TSPAN9: variants seen among roughly 807,000 people sequenced by gnomAD.
TSPAN9 encodes tetraspanin 9.
A neutral mutation model predicts 31.0 loss-of-function variants in TSPAN9; 16 were observed. The observed-to-expected ratio is 0.52, with a 90% CI of 0.35 to 0.78. The LOEUF is 0.78. Ranked by LOEUF, TSPAN9 falls within the 30% of genes least tolerant of loss-of-function variation. TSPAN9 has a pLI of 0.01. For synonymous variants in TSPAN9, 145 were observed against 121.6 expected, an observed-to-expected ratio of 1.19 and a Z score of -1.27; for missense variants, 272 against 312.5, an observed-to-expected ratio of 0.87 and a Z score of 0.98.
rs529716964 is a variant in TSPAN9 at position 3,121,465 on chromosome 12, TC to T, written c.-18+37748del. On this transcript the variant is annotated intron_variant, in intron 2 of 8. Coordinates refer to ENST00000011898, the MANE Select transcript of TSPAN9 (RefSeq NM_006675.5). ...GCCTCGACCTCCCAAACTCAAGTGA[TC>T]CTCCCACCTCAGCCTCCTGAGTAGC... Among the ~76,000 whole-genome samples the T allele has an allele frequency of 3.0e-4, 43 of 142,550 alleles. No individual in the cohort carries two copies. The East Asian group carries it at 9.1e-3, about 30-fold the overall frequency. 93.5% of individuals were successfully genotyped at this position (142,550 alleles called of 152,430 possible). A position where few individuals can be genotyped will look rare whatever the true frequency, so the allele number is the denominator to read the frequency against.
intron 3 of TSPAN9, among the ~76,000 whole-genome samples, chr12:3,260,522 C>G (rs1221166003): frequency 1.3e-5 from 2 of 152,358 alleles, no homozygotes; most frequent in South Asian, 4.1e-4. Context: ...CTGCTGGGAG[C>G]TGGCCTTCTG....
intron 3 of TSPAN9, among the ~76,000 whole-genome samples, chr12:3,277,948 C>A (rs1462105443): frequency 6.6e-6 from 1 of 152,194 alleles, no homozygotes; most frequent in Non-Finnish European, 1.5e-5. Flanking sequence ...AGTTCTGGCT[C>A]CAAGAAACCC....
chr12:3,206,184 C>T (rs1206249429), intron 3 of TSPAN9: 4 of 405,608 alleles, frequency 9.9e-6, no homozygotes, highest in African/African-American at 2.0e-5. Context: ...GACTCTGTGG[C>T]CAGAGGCCTC....
chr12:3,110,104 C>T (rs35923805), intron 2 of TSPAN9, among the ~76,000 whole-genome samples: 27,132 of 146,100 alleles, frequency 0.19, 2,473 homozygotes, highest in African/African-American at 0.23. Flanking sequence ...GTCCCTCCTC[C>T]ACCTCAGCAC....
chr12:3,220,796 G>A (rs2098384082), intron 3 of TSPAN9, among the ~76,000 whole-genome samples: 1 of 139,176 alleles, frequency 7.2e-6, no homozygotes, highest in Admixed American at 7.1e-5. Context: ...CTCTCGGTGG[G>A]AAGGCGGGCC....
chr12:3,126,388 A>G (rs976082633), intron 2 of TSPAN9, among the ~76,000 whole-genome samples: 2 of 152,162 alleles, frequency 1.3e-5, no homozygotes, highest in African/African-American at 2.4e-5. Context: ...TAGGCTACAA[A>G]CTTGTACAGC....
intron 3 of TSPAN9, among the ~76,000 whole-genome samples, chr12:3,225,076 C>T (rs1284026157): frequency 6.6e-6 from 1 of 152,238 alleles, no homozygotes; most frequent in African/African-American, 2.4e-5. Context: ...CTGCCATTCT[C>T]TTTGACAGTG....
At chr12:3,093,813 G>T (rs1294754487) in intron 2 of TSPAN9, among the ~76,000 whole-genome samples, 1 of 152,076 alleles carries the variant, frequency 6.6e-6, no homozygotes, top group Non-Finnish European at 1.5e-5. Context: ...GAGGCTCTTT[G>T]GTTTTCAGGA....
At chr12:3,265,526 C>T (rs1281799376) in intron 3 of TSPAN9, among the ~76,000 whole-genome samples, 2 of 152,216 alleles carry the variant, frequency 1.3e-5, no homozygotes, top group African/African-American at 2.4e-5. Context: ...TCCTTGCTTC[C>T]TCTTGGAGAG....
chr12:3,105,894 A>T (rs1426852330), intron 2 of TSPAN9, among the ~76,000 whole-genome samples: 2 of 151,278 alleles, frequency 1.3e-5, no homozygotes, highest in African/African-American at 4.9e-5. Flanking sequence ...ACACATGGTC[A>T]CGGGCACTCA....
chr12:3,136,483 A>G (rs1435207783), intron 2 of TSPAN9, among the ~76,000 whole-genome samples: 1 of 152,160 alleles, frequency 6.6e-6, no homozygotes, highest in East Asian at 1.9e-4. Flanking sequence ...AGATGAGGAA[A>G]TTGAGGCTCA....
chr12:3,173,110 T>C (rs2098352986), intron 2 of TSPAN9: 1 of 152,526 alleles, frequency 6.6e-6, no homozygotes, highest in Non-Finnish European at 1.5e-5. Context: ...GCAAAGTGGC[T>C]GTGCCCACTG....
rs1199359318 is a variant in TSPAN9, at chr12:3,280,639, T to C, written c.432+156T>C. Among the ~76,000 whole-genome samples, 1 of 152,196 alleles carries C rather than the reference T, an allele frequency of 6.6e-6. No homozygotes were observed. On this transcript the variant is annotated intron_variant, in intron 6 of 8. Coordinates refer to ENST00000011898, the MANE Select transcript of TSPAN9 (RefSeq NM_006675.5). The surrounding 1 kb of genome is among the most constrained non-coding windows in gnomAD (Gnocchi z 4.5). ...CCACGGGGGCATTTGCCTGAACTGC[T>C]GAGTCAGATGTGATACAGCAAGGTA...
rs1159224090 is a variant in TSPAN9 at position 3,285,588 on chromosome 12, G to A, written c.*2472G>A. On this transcript the variant is annotated 3_prime_UTR_variant, in exon 9 of 9. Transcript: ENST00000011898. Reference sequence around the variant, plus strand: ...GTGTGCACAGAGTGGGTGTTCCTTCGAGCCCCTTCCACTCAGAGGGCCACA... The same window carrying A: ...GTGTGCACAGAGTGGGTGTTCCTTCAAGCCCCTTCCACTCAGAGGGCCACA... The A allele has an allele frequency of 2.6e-5, 4 of 152,134 alleles. No homozygotes were observed. The highest frequency in any genetic ancestry group is 1.9e-4 in the East Asian group (1 of 5,180). The allele number at this position is 152,134 out of a possible 1,614,324, so 9.4% of individuals were successfully genotyped here.
At chr12:3,136,806 C>T (rs2098332355) in intron 2 of TSPAN9, among the ~76,000 whole-genome samples, 1 of 152,100 alleles carries the variant, frequency 6.6e-6, no homozygotes, top group Non-Finnish European at 1.5e-5. Context: ...CAGCCATCCG[C>T]TCCCGCCATA....
At chr12:3,141,498 G>A (rs1471077893) in intron 2 of TSPAN9, among the ~76,000 whole-genome samples, 1 of 152,102 alleles carries the variant, frequency 6.6e-6, no homozygotes, top group East Asian at 1.9e-4. Context: ...ATCTTTCTAG[G>A]GCCAGCAGGA....
chr12:3,279,809 G>T (rs678462), intron 5 of TSPAN9, among the ~76,000 whole-genome samples: 51,810 of 152,134 alleles, frequency 0.34, 8,894 homozygotes, highest in Middle Eastern at 0.45. Flanking sequence ...AAAGAACAAT[G>T]TTGAGAGATT....
chr12:3,089,347 AG>A lies in TSPAN9; in HGVS notation c.-18+5629del, dbSNP rs1165010895. On this transcript the variant is annotated intron_variant, in intron 2 of 8. Transcript: ENST00000011898. ...AGTCTTGTTCTGTCCCCCAGGCTGG[AG>A]TGCAGTGGCGTGATCTTGGCTCACT... Among the ~76,000 whole-genome samples the A allele has an allele frequency of 3.0e-5, 4 of 132,942 alleles. No individual in the cohort carries two copies. In the East Asian group the frequency reaches 9.6e-4, roughly 32 times the overall value. 87.2% of individuals were successfully genotyped at this position (132,942 alleles called of 152,430 possible). A position where few individuals can be genotyped will look rare whatever the true frequency, so the allele number is the denominator to read the frequency against.
At chr12:3,193,855 T>C (rs1267356267) in intron 2 of TSPAN9, among the ~76,000 whole-genome samples, 1 of 152,254 alleles carries the variant, frequency 6.6e-6, no homozygotes, top group Non-Finnish European at 1.5e-5. Context: ...TCCTTCTGTC[T>C]GTCCATCCAT....
Sources: allele counts gnomAD v4.1 joint callset (sites outside exome capture counted in the v4.1 genomes callset), GRCh38; gene constraint gnomAD v4.1.1; non-coding constraint Gnocchi (gnomAD v3.1); transcripts MANE v1.5; gene names NCBI Gene and HGNC (gene_info 2026-07-23, HGNC 2026-07-21).